Variants in PHLPP1 observed in about 807,000 individuals in gnomAD.
PHLPP1 encodes PH domain leucine-rich repeat-containing protein phosphatase 1.
A neutral mutation model predicts 117.2 loss-of-function variants in PHLPP1; 42 were observed. The observed-to-expected ratio is 0.36, with a 90% CI of 0.28 to 0.46. The LOEUF is 0.46. PHLPP1 is among the 20% of genes least tolerant of loss of function. The pLI is 1.00. For synonymous variants in PHLPP1, 1,042 were observed against 970.7 expected (o/e 1.07, Z -1.37); for missense variants, 2,084 against 2,241.9 (o/e 0.93, Z 1.42).
intron 10 of PHLPP1, among the ~76,000 whole-genome samples, chr18:62,927,014 C>T (rs2144434315): frequency 6.6e-6 from 1 of 152,126 alleles, no homozygotes; most frequent in South Asian, 2.1e-4. Context: ...ACCACTACCA[C>T]CTAAGTTTAG....
intron 1 of PHLPP1, among the ~76,000 whole-genome samples, chr18:62,825,891 G>C (rs897385267): frequency 6.6e-6 from 1 of 152,098 alleles, no homozygotes; most frequent in African/African-American, 2.4e-5. Flanking sequence ...CCCTGAGATA[G>C]GTAAACTATG....
At position 62,895,992 on chromosome 18, in the gene PHLPP1, A is replaced by G. The variant is rs140035447; in HGVS notation, c.2425A>G (p.Ile809Val). ...RLQALRKMPHIKHVDLRLNVI... is the reference protein window; with the variant it reads ...RLQALRKMPHVKHVDLRLNVI... ...ACAGGCTTTAAGAAAAATGCCTCAC[A>G]TTAAACATGTGGATCTAAGGTAACC... The change falls in exon 6 of 17, where the codon ATT becomes GTT. Residue 809 changes from isoleucine (I) to valine (V), a missense_variant. Transcript: ENST00000262719. The G allele has an allele frequency of 7.1e-3, 11,466 of 1,608,582 alleles. 70 individuals are homozygous for G. The highest frequency in any genetic ancestry group is 8.7e-3 in the Non-Finnish European group (10,166 of 1,175,116).
intron 1 of PHLPP1, among the ~76,000 whole-genome samples, chr18:62,724,929 A>C (rs1911024705): frequency 6.6e-6 from 1 of 152,210 alleles, no homozygotes; most frequent in African/African-American, 2.4e-5. Flanking sequence ...TTAGAAAATC[A>C]ATGTTCTTAG....
chr18:62,749,264 G>T, intron 1 of PHLPP1, among the ~76,000 whole-genome samples: 1 of 150,036 alleles, frequency 6.7e-6, no homozygotes. Flanking sequence ...AAGTTTTGCA[G>T]CCTCATATGA....
chr18:62,959,485 A>G (rs573135760), intron 13 of PHLPP1, among the ~76,000 whole-genome samples: 1 of 152,176 alleles, frequency 6.6e-6, no homozygotes, highest in Non-Finnish European at 1.5e-5. Context: ...GGATATATAA[A>G]AAGAGTTAAA....
intron 1 of PHLPP1, among the ~76,000 whole-genome samples, chr18:62,739,904 T>C (rs533499420): frequency 2.0e-5 from 3 of 152,212 alleles, no homozygotes; most frequent in Non-Finnish European, 4.4e-5. Context: ...GTAATCATAG[T>C]GTATACCATC....
chr18:62,880,762 G>A (rs1428035691), intron 4 of PHLPP1, among the ~76,000 whole-genome samples: 1 of 152,166 alleles, frequency 6.6e-6, no homozygotes, highest in Non-Finnish European at 1.5e-5. Context: ...GAATCAAAAT[G>A]ACAAATTTAT....
intron 14 of PHLPP1, among the ~76,000 whole-genome samples, chr18:62,969,062 TTTTG>T (rs1170835891): frequency 6.6e-6 from 1 of 152,092 alleles, no homozygotes; most frequent in Non-Finnish European, 1.5e-5. Context: ...TTTTGGGTTT[TTTTG>T]TTTGTTTTGT....
intron 4 of PHLPP1, among the ~76,000 whole-genome samples, chr18:62,892,152 G>A (rs1432026247): frequency 7.4e-6 from 1 of 135,250 alleles, no homozygotes. Flanking sequence ...GCAATGGCAC[G>A]ATCTCGGCTC....
rs1910145281 is a variant in PHLPP1 at position 62,942,002 on chromosome 18, C to T, written c.3161+84C>T. On this transcript the variant is annotated intron_variant, in intron 11 of 16. Transcript: ENST00000262719. Reference sequence around the variant, plus strand: ...AAGGTGAAGGCTGAAATATTTATTTCCCAGGTGATGTCAAGTTTGTTTGCT... The same window carrying T: ...AAGGTGAAGGCTGAAATATTTATTTTCCAGGTGATGTCAAGTTTGTTTGCT... The T allele has an allele frequency of 3.6e-6, 4 of 1,096,110 alleles. No homozygotes were observed. The South Asian group carries it at 6.0e-5, about 16-fold the overall frequency. 67.9% of individuals were successfully genotyped at this position (1,096,110 alleles called of 1,614,324 possible).
intron 10 of PHLPP1, among the ~76,000 whole-genome samples, chr18:62,925,375 C>G (rs1909596408): frequency 6.6e-6 from 1 of 152,096 alleles, no homozygotes; most frequent in African/African-American, 2.4e-5. Context: ...GTTTTTATTC[C>G]TGGGTGGACT....
Position 62,978,442 on chromosome 18 carries a change from G to A in PHLPP1, c.4165G>A (p.Val1389Met), listed in dbSNP as rs374694579. 1.3e-5 allele frequency: 21 copies of A among 1,611,096 alleles called. No individual in the cohort carries two copies. Among genetic ancestry groups the A allele is most frequent in the Non-Finnish European group, 1.6e-5 (19 of 1,178,750 alleles). ...SLSVEEAVEA[V>M]RNVPDALAAA... is the part of the protein sequence containing the mutation. ...GTCCGTCGAGGAGGCCGTGGAAGCC[G>A]TGCGCAACGTGCCCGATGCCCTGGC... The change falls in exon 17 of 17, where the codon GTG (valine) becomes ATG (methionine). Residue 1389 changes from valine to methionine, a missense_variant. Val to Met is a conservative substitution (Grantham distance 21). Transcript: ENST00000262719. This position sits in a 1 kb window ranked among gnomAD's most constrained non-coding sequence, Gnocchi z 7.0.
intron 4 of PHLPP1, among the ~76,000 whole-genome samples, chr18:62,891,169 G>A (rs1258671153): frequency 6.6e-6 from 1 of 152,168 alleles, no homozygotes; most frequent in Non-Finnish European, 1.5e-5. Flanking sequence ...AAATTTAACT[G>A]GATGTACTGT....
chr18:62,890,645 T>C (rs1389010151), intron 4 of PHLPP1, among the ~76,000 whole-genome samples: 3 of 152,202 alleles, frequency 2.0e-5, no homozygotes, highest in Non-Finnish European at 4.4e-5. Flanking sequence ...AGGAGTGATA[T>C]CATCCTAGTA....
chr18:62,952,310 C>T (rs964980563), intron 12 of PHLPP1, among the ~76,000 whole-genome samples: 1 of 152,128 alleles, frequency 6.6e-6, no homozygotes, highest in African/African-American at 2.4e-5. Context: ...TCAGTTTATA[C>T]AGGATACATT....
At chr18:62,920,993 G>A (rs1685486670) in intron 10 of PHLPP1, among the ~76,000 whole-genome samples, 1 of 152,186 alleles carries the variant, frequency 6.6e-6, no homozygotes, top group South Asian at 2.1e-4. Context: ...AAGTTGTTTT[G>A]AATGGGAGGG....
rs66530466 is a variant in PHLPP1, at chr18:62,940,354, C to CTTTTTTTTTTTTTTTTTTTTTT, written c.2961-1357_2961-1336dup. Among the ~76,000 whole-genome samples, 98 of 46,818 alleles carry CTTTTTTTTTTTTTTTTTTTTTT rather than the reference C, an allele frequency of 2.1e-3. 18 individuals are homozygous for CTTTTTTTTTTTTTTTTTTTTTT. Among genetic ancestry groups the CTTTTTTTTTTTTTTTTTTTTTT allele is most frequent in the Middle Eastern group, 0.022 (1 of 46 alleles). The allele number at this position is 46,818 out of a possible 152,430, so 30.7% of individuals were successfully genotyped here. A position where few individuals can be genotyped will look rare whatever the true frequency, so the allele number is the denominator to read the frequency against. ...ATCCACGTTTCTTTTTCTTTCTTTT[C>CTTTTTTTTTTTTTTTTTTTTTT]TTTTTTTTTTTTTTTTTTTTTTTTT... On this transcript the variant is annotated intron_variant, in intron 10 of 16. Transcript: ENST00000262719.
intron 4 of PHLPP1, among the ~76,000 whole-genome samples, chr18:62,894,048 A>C (rs1023509707): frequency 6.6e-6 from 1 of 152,108 alleles, no homozygotes; most frequent in African/African-American, 2.4e-5. Flanking sequence ...CTGCTAAAAA[A>C]CCTATCTATG....
intron 4 of PHLPP1, among the ~76,000 whole-genome samples, chr18:62,861,058 G>C (rs1230118625): frequency 1.3e-5 from 2 of 152,098 alleles, no homozygotes; most frequent in Non-Finnish European, 2.9e-5. Flanking sequence ...TGTCATCTGG[G>C]TGATTAGTGT....
Sources: gnomAD v4.1 joint callset for allele counts (sites outside exome capture counted in the v4.1 genomes callset) on GRCh38, gnomAD v4.1.1 for gene constraint, Gnocchi (gnomAD v3.1) non-coding constraint, MANE v1.5 for transcripts, NCBI Gene and HGNC (gene_info 2026-07-23, HGNC 2026-07-21) for gene names.